The following DHODH variants were observed in gnomAD, a reference collection of about 807,000 sequenced individuals.
DHODH encodes dihydroorotate dehydrogenase (quinone), mitochondrial.
Under a neutral mutation model 39.7 loss-of-function variants are expected in DHODH, and 30 were observed. The observed-to-expected ratio is 0.76, with a 90% CI of 0.57 to 1.02. DHODH has a LOEUF of 1.02. Among genes scored for constraint, DHODH ranks in the 50% least tolerant of loss-of-function variants. DHODH has a pLI of 0.00. For missense variants in DHODH, 531 were observed against 520.8 expected (o/e 1.02, Z -0.19); for synonymous variants, 222 against 213.8 (o/e 1.04, Z -0.34).
At chr16:72,020,353 A>ATATATATATATATCTGTG (rs1491148985) in intron 4 of DHODH, 1 of 109,460 alleles carries the variant, frequency 9.1e-6, no homozygotes, top group African/African-American at 4.1e-5. Context: ...ATATATATAT[A>ATATATATATATATCTGTG]TGTGTATATA....
chr16:72,011,792 G>C (rs1009151646), intron 1 of DHODH, among the ~76,000 whole-genome samples: 1 of 152,136 alleles, frequency 6.6e-6, no homozygotes, highest in African/African-American at 2.4e-5. Context: ...TGTCCACCAC[G>C]ATCACCCTAG....
intron 3 of DHODH, 73 bp from the exon 4 acceptor site, chr16:72,016,951 A>T: frequency 7.1e-7 from 1 of 1,408,484 alleles, no homozygotes; most frequent in South Asian, 1.2e-5. Context: ...CTTGTTTGAA[A>T]AAGTCCTAAG....
rs2041271362 is a variant in DHODH, at chr16:72,025,815, A to C, written c.*1616A>C. 6.6e-6 allele frequency: 1 copy of C among 152,292 alleles called. No individual in the cohort carries two copies. The highest frequency in any genetic ancestry group is 2.1e-4 in the South Asian group (1 of 4,836). The allele number at this position is 152,292 out of a possible 1,614,324, so 9.4% of individuals were successfully genotyped here. ...GCTGCCCTGAAGGCAGCTCATGTCC[A>C]CTGAACACTGACTGTGGGCTGGATG... On this transcript the variant is annotated 3_prime_UTR_variant, in exon 9 of 9. Transcript: ENST00000219240.
chr16:72,022,339 GCT>G (rs753379984), intron 5 of DHODH, 21 bp from the exon 6 acceptor site: 29 of 1,543,776 alleles, frequency 1.9e-5, no homozygotes, highest in Non-Finnish European at 5.3e-6. Context: ...GGGGTCCCCA[GCT>G]CTGGCCGTGT....
At position 72,021,337 on chromosome 16, in the gene DHODH, C is replaced by A. The variant is rs376933922; in HGVS notation, c.705+26C>A. On this transcript the variant is annotated intron_variant, in intron 5 of 8. Transcript: ENST00000219240. ...GTGGGCAGCTGCACCCCTCTCCAGG[C>A]CCTGTCCCACCAGCCTGTCCCACCT... The A allele has an allele frequency of 4.4e-6, 7 of 1,576,710 alleles. No individual in the cohort carries two copies. In the African/African-American group the frequency reaches 9.4e-5, roughly 21 times the overall value.
At chr16:72,024,085 G>T in intron 8 of DHODH, 60 bp from the exon 9 acceptor site, 2 of 1,583,650 alleles carry the variant, frequency 1.3e-6, no homozygotes, top group South Asian at 1.1e-5. Context: ...TGGGCTTCCT[G>T]TAAGAGCAGG....
In DHODH at chr16:72,009,968, G is replaced by T. The variant is rs190090321; in HGVS notation, c.21+1183G>T. Among the ~76,000 whole-genome samples, 62 of 152,254 alleles carry T rather than the reference G, an allele frequency of 4.1e-4. No homozygotes were observed. In the East Asian group the frequency reaches 0.011, roughly 28 times the overall value. On this transcript the variant is annotated intron_variant, in intron 1 of 8. Coordinates refer to ENST00000219240, the MANE Select transcript of DHODH (RefSeq NM_001361.5). ...TCACTGTGTTGCCCAGGCTGGTCTA[G>T]AACTATTGGCCTCAAGGGATCTTCC...
At chr16:72,010,339 G>C (rs4788598) in intron 1 of DHODH, among the ~76,000 whole-genome samples, 58,456 of 151,938 alleles carry the variant, frequency 0.38, 11,807 homozygotes, top group East Asian at 0.73. Flanking sequence ...GGTTCAGAGA[G>C]ACCCCCATCA....
intron 3 of DHODH, chr16:72,016,759 G>A (rs1278819802): frequency 6.8e-6 from 3 of 442,774 alleles, no homozygotes; most frequent in African/African-American, 2.0e-5. Context: ...TAAGGAGTGG[G>A]GATCCAGCAG....
rs1312589488 is a variant in DHODH, at chr16:72,022,481, AGT to A, written c.819+7_819+8del. 6.5e-7 allele frequency: 1 copy of A among 1,549,254 alleles called. No individual in the cohort carries two copies. Among genetic ancestry groups the A allele is most frequent in the Non-Finnish European group, 8.7e-7 (1 of 1,146,512 alleles). ...TTGCCAGTGTGGTCAAAGAGGTTTG[AGT>A]CGGGGCCTGGGCCCAGGGTGTGCCT... is the stretch of plus-strand genomic sequence containing the variant. On this transcript the variant is annotated splice_region_variant and intron_variant, in intron 6 of 8. Coordinates refer to ENST00000219240, the MANE Select transcript of DHODH (RefSeq NM_001361.5).
At chr16:72,023,130 A>G (rs565532829) in intron 6 of DHODH, 35 bp from the exon 7 acceptor site, 4 of 1,613,268 alleles carry the variant, frequency 2.5e-6, no homozygotes, top group Non-Finnish European at 3.4e-6. Context: ...CTTCGGTGCT[A>G]TGACTCATGG....
chr16:72,015,977 C>A, intron 3 of DHODH: 4 of 656,714 alleles, frequency 6.1e-6, no homozygotes, highest in Non-Finnish European at 7.5e-6. Context: ...AAACAACAGG[C>A]ACATTTGATA....
In DHODH at chr16:72,024,378, C is replaced by A; in HGVS notation, c.*179C>A. On this transcript the variant is annotated 3_prime_UTR_variant, in exon 9 of 9. Coordinates refer to ENST00000219240, the MANE Select transcript of DHODH (RefSeq NM_001361.5). ...ATCAACCGCAGGCTTTCTTCAGTCC[C>A]TTGGTCAGACCATAAACTGCATTTT... 2.9e-6 allele frequency: 2 copies of A among 684,330 alleles called. No homozygotes were observed. Among genetic ancestry groups the A allele is most frequent in the Non-Finnish European group, 5.3e-6 (2 of 377,966 alleles). 42.4% of individuals were successfully genotyped at this position (684,330 alleles called of 1,614,324 possible).
intron 1 of DHODH, among the ~76,000 whole-genome samples, 157 bp from the exon 2 acceptor site, chr16:72,011,893 A>G (rs1426137550): frequency 1.3e-5 from 2 of 152,184 alleles, no homozygotes; most frequent in Non-Finnish European, 2.9e-5. Context: ...AAGTATAGAT[A>G]CAGCCTCTGA....
chr16:72,020,331 A>ATATATATATATATATGTGTG (rs2041191793), intron 4 of DHODH: 1 of 26,094 alleles, frequency 3.8e-5, no homozygotes, highest in African/African-American at 7.8e-5. Context: ...GTATATGTGT[A>ATATATATATATATATGTGTG]TATATATATA....
rs1307501047 is a variant in DHODH at position 72,014,582 on chromosome 16, T to C, written c.344T>C (p.Val115Ala). The C allele has an allele frequency of 4.3e-6, 7 of 1,614,166 alleles. No individual in the cohort carries two copies. The highest frequency in any genetic ancestry group is 5.9e-6 in the Non-Finnish European group (7 of 1,180,020). Residue 115 changes from valine to alanine, a missense_variant, in exon 3 of 9, where the codon GTT (valine) becomes GCT (alanine). Transcript: ENST00000219240. ...CTTTATAAGATGGGCTTTGGTTTTG[T>C]TGAGATAGGAAGTGTGACTCCAAAA... ...DGLYKMGFGFVEIGSVTPKPQ... is the reference protein window; with the variant it reads ...DGLYKMGFGFAEIGSVTPKPQ...
In DHODH at chr16:72,025,435, A is replaced by T. The variant is rs1415855580; in HGVS notation, c.*1236A>T. On this transcript the variant is annotated 3_prime_UTR_variant, in exon 9 of 9. Coordinates refer to ENST00000219240, the MANE Select transcript of DHODH (RefSeq NM_001361.5). ...GCCATTTACTTTCTTCACTATTCTT[A>T]TGTGGCATGGTTCATGCTGGGCCTC... The T allele has an allele frequency of 2.0e-5, 3 of 152,158 alleles. No homozygotes were observed. Among genetic ancestry groups the T allele is most frequent in the African/African-American group, 7.2e-5 (3 of 41,416 alleles). 9.4% of individuals were successfully genotyped at this position (152,158 alleles called of 1,614,324 possible).
Position 72,012,208 on chromosome 16 carries a change from C to T in DHODH, c.180C>T (p.Arg60=), listed in dbSNP as rs1462083373. 1 of 1,613,998 alleles carries T rather than the reference C, an allele frequency of 6.2e-7. No individual in the cohort carries two copies. The highest frequency in any genetic ancestry group is 1.3e-5 in the African/African-American group (1 of 74,902). Residue 60 remains arginine, a synonymous_variant, in exon 2 of 9, where the codon CGC becomes CGT. Transcript: ENST00000219240. ...AGTCAGCCCACAGACTGGCTGTTCG[C>T]TTCACCTCCCTGGGGCTCCTTCCAC... ...DPESAHRLAV[R]FTSLGLLPRA... is the part of the protein sequence containing the mutation.
Position 72,023,242 on chromosome 16 carries a change from A to T in DHODH, c.897A>T (p.Glu299Asp), listed in dbSNP as rs758676746. Residue 299 changes from glutamate to aspartate, a missense_variant, in exon 7 of 9, where the codon GAA becomes GAT. Physicochemically the swap from Glu to Asp is conservative, Grantham distance 45. Transcript: ENST00000219240. ...PAGLQGALRSETGGLSGKPLR... is the reference protein window; with the variant it reads ...PAGLQGALRSDTGGLSGKPLR... The stretch of plus-strand genomic sequence containing the variant: ...GCCTCCAGGGTGCCCTGCGCTCTGA[A>T]ACAGGAGGGCTGAGTGGGAAGCCCC... The T allele has an allele frequency of 6.2e-7, 1 of 1,614,184 alleles. No individual in the cohort carries two copies. Among genetic ancestry groups the T allele is most frequent in the Non-Finnish European group, 8.5e-7 (1 of 1,180,032 alleles).
Sources: gnomAD v4.1 joint callset for allele counts (sites outside exome capture counted in the v4.1 genomes callset) on GRCh38, gnomAD v4.1.1 for gene constraint, MANE v1.5 for transcripts, NCBI Gene and HGNC (gene_info 2026-07-23, HGNC 2026-07-21) for gene names.